PFKP: variants seen among roughly 807,000 people sequenced by gnomAD.
PFKP encodes phosphofructokinase, platelet.
A neutral mutation model predicts 94.3 loss-of-function variants in PFKP; 101 were observed. The ratio of observed to expected loss-of-function variants is 1.07; its 90% CI spans 0.91 to 1.26. The LOEUF is 1.26. PFKP is among the 50% of genes most tolerant of loss of function. PFKP has a pLI of 0.00. For synonymous variants in PFKP, 573 were observed against 432.6 expected, an observed-to-expected ratio of 1.32 and a Z score of -4.03; for missense variants, 1,145 against 1,103.3, an observed-to-expected ratio of 1.04 and a Z score of -0.53.
intron 16 of PFKP, among the ~76,000 whole-genome samples, chr10:3,128,581 C>T (rs1016236448): frequency 3.9e-5 from 6 of 152,240 alleles, no homozygotes; most frequent in Admixed American, 1.3e-4. Context: ...CCTCGTGGCC[C>T]GTTCAGGTGC....
chr10:3,075,746 T>A (rs1409242783), intron 1 of PFKP, among the ~76,000 whole-genome samples: 2 of 149,086 alleles, frequency 1.3e-5, no homozygotes, highest in East Asian at 3.9e-4. Context: ...CTACAAAAAA[T>A]ACAAAACAAT....
chr10:3,115,953 C>G (rs1026215715), intron 13 of PFKP, among the ~76,000 whole-genome samples: 1 of 152,198 alleles, frequency 6.6e-6, no homozygotes, highest in Non-Finnish European at 1.5e-5. Flanking sequence ...ACCCGCATCT[C>G]AGCAGCAGGA....
Position 3,108,748 on chromosome 10 carries a change from G to A in PFKP, c.918G>A (p.Gly306=), listed in dbSNP as rs1269539471. 5 of 1,613,852 alleles carry A rather than the reference G, an allele frequency of 3.1e-6. No homozygotes were observed. The highest frequency in any genetic ancestry group is 4.2e-6 in the Non-Finnish European group (5 of 1,179,908). The part of the protein sequence containing the change: ...LGYDTRVTIL[G]HVQRGGTPSA... ...ATGACACACGTGTGACCATCCTCGG[G>A]CACGTGCAGAGAGGAGGGACCCCTT... Residue 306 remains glycine (G), a synonymous_variant, in exon 9 of 22, where the codon GGG becomes GGA. Transcript: ENST00000381125.
chr10:3,088,781 AAT>A (rs1393621478), intron 2 of PFKP, among the ~76,000 whole-genome samples: 2 of 150,292 alleles, frequency 1.3e-5, no homozygotes, highest in African/African-American at 4.8e-5. Context: ...AGAGTTCAGA[AAT>A]ATAGTCTTCT....
intron 1 of PFKP, among the ~76,000 whole-genome samples, chr10:3,073,831 TTTG>T (rs1832380455): frequency 6.6e-6 from 1 of 151,610 alleles, no homozygotes; most frequent in Admixed American, 6.6e-5. Context: ...GTGTGTTTTT[TTTG>T]TTTGTTTGTT....
At chr10:3,113,272 G>A (rs1836442666) in intron 12 of PFKP, 84 bp downstream of exon 12, 1 of 1,580,510 alleles carries the variant, frequency 6.3e-7, no homozygotes, top group Middle Eastern at 1.7e-4. Flanking sequence ...GAGGCCACCT[G>A]TTTTCAGGCC....
intron 16 of PFKP, among the ~76,000 whole-genome samples, chr10:3,128,851 G>A (rs2279208): frequency 0.14 from 20,708 of 152,246 alleles, 1,556 homozygotes; most frequent in East Asian, 0.28. Flanking sequence ...CCACTGTGCC[G>A]GAATGTGATG....
At chr10:3,083,300 G>A (rs1470970072) in intron 2 of PFKP, among the ~76,000 whole-genome samples, 1 of 152,180 alleles carries the variant, frequency 6.6e-6, no homozygotes, top group Admixed American at 6.5e-5. Flanking sequence ...CACTTTTGAA[G>A]TCCTGGCAAC....
At chr10:3,105,360 T>A (rs1259583942) in intron 6 of PFKP, 33 bp from the exon 7 acceptor site, 1 of 1,553,664 alleles carries the variant, frequency 6.4e-7, no homozygotes, top group Non-Finnish European at 8.9e-7. Context: ...AGGATCCTTC[T>A]GGGGTGTTGA....
chr10:3,131,151 T>A (rs1838542316), intron 17 of PFKP, among the ~76,000 whole-genome samples: 1 of 152,100 alleles, frequency 6.6e-6, no homozygotes, highest in South Asian at 2.1e-4. Flanking sequence ...AAAATATGTA[T>A]CTCTTACTGT....
intron 2 of PFKP, among the ~76,000 whole-genome samples, chr10:3,087,356 G>T (rs569234308): frequency 4.5e-4 from 68 of 152,284 alleles, no homozygotes; most frequent in African/African-American, 1.5e-3. Flanking sequence ...TGACTCCATG[G>T]CCGCAGGTGC....
chr10:3,113,356 G>A lies in PFKP; in HGVS notation c.1225-16G>A, dbSNP rs1836451339. 5.7e-6 allele frequency: 9 copies of A among 1,576,824 alleles called. No individual in the cohort carries two copies. The highest frequency in any genetic ancestry group is 1.7e-5 in the Admixed American group (1 of 57,496). ...TGTGCCCGTGACCCAGCACTCACCT[G>A]CCTTCTGTTTTGCAGACCAATTGCA... On this transcript the variant is annotated splice_polypyrimidine_tract_variant and intron_variant, in intron 12 of 21. Transcript: ENST00000381125.
At chr10:3,115,765 A>G (rs1271396301) in intron 13 of PFKP, among the ~76,000 whole-genome samples, 4 of 152,158 alleles carry the variant, frequency 2.6e-5, no homozygotes, top group Non-Finnish European at 5.9e-5. Context: ...GAGAGAGAGA[A>G]GGTCCAGGAC....
At chr10:3,071,134 G>A (rs958412209) in intron 1 of PFKP, among the ~76,000 whole-genome samples, 1 of 152,048 alleles carries the variant, frequency 6.6e-6, no homozygotes, top group African/African-American at 2.4e-5. Flanking sequence ...AGCAAAACCC[G>A]ATTTGCCCAA....
intron 7 of PFKP, among the ~76,000 whole-genome samples, chr10:3,106,191 T>G (rs1835534873): frequency 6.6e-6 from 1 of 151,994 alleles, no homozygotes; most frequent in Non-Finnish European, 1.5e-5. Flanking sequence ...GGCAGGAAAC[T>G]CTGGAGGGAG....
At position 3,116,768 on chromosome 10, in the gene PFKP, C is replaced by T; in HGVS notation, c.1372-8C>T. The T allele has an allele frequency of 1.2e-6, 2 of 1,609,748 alleles. No individual in the cohort carries two copies. Among genetic ancestry groups the T allele is most frequent in the Non-Finnish European group, 1.7e-6 (2 of 1,175,966 alleles). On this transcript the variant is annotated splice_region_variant and splice_polypyrimidine_tract_variant and intron_variant, in intron 13 of 21. Coordinates refer to ENST00000381125, the MANE Select transcript of PFKP (RefSeq NM_002627.5). ...CTTTAGCTGTTTCGTTCTGTGTTTG[C>T]ACATTAGATCAAAGAAATCGGCTGG...
chr10:3,106,462 C>A (rs73573181), intron 7 of PFKP, among the ~76,000 whole-genome samples: 2,295 of 151,502 alleles, frequency 0.015, 65 homozygotes, highest in African/African-American at 0.052. Flanking sequence ...CCCATGGGAA[C>A]CCCTGTCAAT....
Position 3,101,475 on chromosome 10 carries a change from C to G in PFKP, c.375C>G (p.Ile125Met), listed in dbSNP as rs11542777. 2 of 1,604,380 alleles carry G rather than the reference C, an allele frequency of 1.2e-6. No individual in the cohort carries two copies. The highest frequency in any genetic ancestry group is 1.3e-5 in the African/African-American group (1 of 74,832). Residue 125 changes from isoleucine to methionine, a missense_variant, in exon 4 of 22, where the codon ATC becomes ATG. By Grantham distance (10) the Ile-to-Met change is conservative. Around this residue, in one of 3 missense-constraint regions of PFKP, gnomAD observed 1,119 missense variants for 1,062.8 expected, o/e 1.05. Transcript: ENST00000381125. ...LQRGITNLCV[I>M]GGDGSLTGAN... is the part of the protein sequence containing the mutation. ...GCGGCATCACCAACCTGTGTGTGAT[C>G]GGCGGGGACGGGAGCCTCACCGGGG...
intron 10 of PFKP, among the ~76,000 whole-genome samples, chr10:3,110,287 C>CTCCT (rs546511792): frequency 2.0e-3 from 310 of 151,976 alleles, no homozygotes; most frequent in Admixed American, 3.9e-3. Context: ...CAAGCTCCGC[C>CTCCT]TCCTGGGTTC....
Sources: gnomAD v4.1 joint callset for allele counts (sites outside exome capture counted in the v4.1 genomes callset) on GRCh38, gnomAD v4.1.1 for gene constraint, gnomAD v4.1.1 regional missense constraint, MANE v1.5 for transcripts, NCBI Gene and HGNC (gene_info 2026-07-23, HGNC 2026-07-21) for gene names.